Variants in GREP1 observed in about 807,000 individuals in gnomAD.
The protein encoded by GREP1 is glycine-rich extracellular protein 1.
rs376121869 is a variant in GREP1 at position 2,997,400 on chromosome 16, C to A, written c.898C>A (p.Gln300Lys). 2.5e-4 allele frequency: 98 copies of A among 398,818 alleles called. No homozygotes were observed. In the East Asian group the frequency reaches 3.5e-3, roughly 14 times the overall value. 24.7% of individuals were successfully genotyped at this position (398,818 alleles called of 1,614,324 possible). A position where few individuals can be genotyped will look rare whatever the true frequency, so the allele number is the denominator to read the frequency against. ...CTCCCTCCCCACAGGCCCCTTAGCC[C>A]AGAATGGCTACAGAGCAGGTACTGG... Residue 300 changes from glutamine to lysine, a missense_variant, in exon 22 of 35, where the codon CAG becomes AAG. By Grantham distance (53) the Gln-to-Lys change is moderately conservative. Coordinates refer to ENST00000573315, the Ensembl canonical transcript of GREP1.
rs1394349531 is a variant in GREP1, at chr16:2,989,978, T to C, written c.135T>C (p.Tyr45=). ...CTCACCTCCCTGTCTCTCCAGGCTA[T>C]GATGGGGGCGTGAAGCCACAGAAGC... is the stretch of plus-strand genomic sequence containing the variant. The change falls in exon 4 of 35, where the codon TAT becomes TAC. Residue 45 remains tyrosine, a synonymous_variant. Coordinates refer to ENST00000573315, the Ensembl canonical transcript of GREP1. The surrounding 1 kb of genome is among the most constrained non-coding windows in gnomAD (Gnocchi z 4.2). 2.5e-6 allele frequency: 1 copy of C among 399,020 alleles called. No individual in the cohort carries two copies. Among genetic ancestry groups the C allele is most frequent in the Non-Finnish European group, 4.4e-6 (1 of 226,296 alleles). 24.7% of individuals were successfully genotyped at this position (399,020 alleles called of 1,614,324 possible).
intron 10 of GREP1, 80 bp from the exon 12 acceptor site, chr16:2,994,618 G>T (rs1267316928): frequency 5.0e-6 from 2 of 398,630 alleles, no homozygotes; most frequent in East Asian, 3.6e-5. Flanking sequence ...TGAAGTTGGG[G>T]GTGGGGACAC....
In GREP1 at chr16:2,992,951, C is replaced by A. The variant is rs1315392536; in HGVS notation, c.373C>A (p.Pro125Thr). 2.5e-6 allele frequency: 1 copy of A among 399,042 alleles called. No individual in the cohort carries two copies. The highest frequency in any genetic ancestry group is 2.1e-5 in the African/African-American group (1 of 48,750). The allele number at this position is 399,042 out of a possible 1,614,324, so 24.7% of individuals were successfully genotyped here. Residue 125 changes from proline to threonine, a missense_variant, in exon 10 of 35, where the codon CCC becomes ACC. Coordinates refer to ENST00000573315, the Ensembl canonical transcript of GREP1. This position sits in a 1 kb window ranked among gnomAD's most constrained non-coding sequence, Gnocchi z 4.9. Reference sequence around the variant, plus strand: ...CCCAGGCTTTGGAGGGGGTGGAAAACCCCAGAAGCCAGGTGAGCCACTCCC... The same window carrying A: ...CCCAGGCTTTGGAGGGGGTGGAAAAACCCAGAAGCCAGGTGAGCCACTCCC...
rs948622714 is a variant in GREP1, at chr16:2,994,745, G to A, written c.415+18G>A. 1 of 396,306 alleles carries A rather than the reference G, an allele frequency of 2.5e-6. No homozygotes were observed. The highest frequency in any genetic ancestry group is 4.4e-6 in the Non-Finnish European group (1 of 224,842). 24.5% of individuals were successfully genotyped at this position (396,306 alleles called of 1,614,324 possible). ...TAGACCAGGTAGGGGCGGGGCTGGG[G>A]TTTGGGGAGGCCCAGAGCTGGGGCC... On this transcript the variant is annotated intron_variant, in intron 11 of 34. Coordinates refer to ENST00000573315, the Ensembl canonical transcript of GREP1.
chr16:2,996,188 T>C (rs895589913), intron 18 of GREP1, among the ~76,000 whole-genome samples: 2 of 152,038 alleles, frequency 1.3e-5, no homozygotes, highest in Non-Finnish European at 2.9e-5. Context: ...CTGCCTTGGC[T>C]TCCCAAAGTG....
At chr16:2,998,959 T>G in exon 26 of GREP1, 1 of 399,114 alleles carries the variant, frequency 2.5e-6, no homozygotes, top group African/African-American at 2.1e-5. Context: ...CCTTCCGCAG[T>G]GCAGAATGGC....
intron 5 of GREP1, 179 bp downstream of exon 5, chr16:2,990,301 T>A (rs1450843357): frequency 2.5e-6 from 1 of 397,986 alleles, no homozygotes; most frequent in Admixed American, 4.4e-5. Flanking sequence ...CCAAACCTCC[T>A]CAGCTCACCT....
intron 22 of GREP1, 115 bp from the exon 21 acceptor site, chr16:2,997,688 T>A: frequency 2.5e-6 from 1 of 398,332 alleles, no homozygotes; most frequent in East Asian, 3.6e-5. Context: ...CCACTGGTCA[T>A]GGACCAGGAA....
chr16:2,998,407 G>C lies in GREP1; in HGVS notation c.982+19G>C, dbSNP rs985963450. 4 of 399,170 alleles carry C rather than the reference G, an allele frequency of 1.0e-5. No individual in the cohort carries two copies. The highest frequency in any genetic ancestry group is 1.8e-5 in the Non-Finnish European group (4 of 226,304). The allele number at this position is 399,170 out of a possible 1,614,324, so 24.7% of individuals were successfully genotyped here. ...AAGTCAGGTGAGTGGGGGACCCCTG[G>C]CTCTGCCCCACACCTCCTTCTGCCT... On this transcript the variant is annotated intron_variant, in intron 24 of 34. Transcript: ENST00000573315.
intron 2 of GREP1, 56 bp downstream of exon 2, chr16:2,988,678 G>A (rs963827748): frequency 5.0e-5 from 20 of 398,842 alleles, no homozygotes; most frequent in African/African-American, 4.1e-4. Context: ...CTCCTGCCCT[G>A]GGGGTGTGGG....
rs1056836377 is a variant in GREP1 at position 3,001,344 on chromosome 16, A to G, written c.1585+10A>G. On this transcript the variant is annotated intron_variant, in intron 34 of 34. Coordinates refer to ENST00000573315, the Ensembl canonical transcript of GREP1. ...GGGAATGGCTACGGAGGTGAGAGGG[A>G]GGCGCAATGGCCGAGCCGCCTGCCC... is the stretch of plus-strand genomic sequence containing the variant. 29 of 399,000 alleles carry G rather than the reference A, an allele frequency of 7.3e-5. No individual in the cohort carries two copies. Among genetic ancestry groups the G allele is most frequent in the Non-Finnish European group, 1.2e-4 (28 of 226,140 alleles). 24.7% of individuals were successfully genotyped at this position (399,000 alleles called of 1,614,324 possible).
rs1053987772 is a variant in GREP1, at chr16:2,989,449, G to A, written c.101-74G>A. 1.8e-5 allele frequency: 7 copies of A among 399,032 alleles called. No homozygotes were observed. The highest frequency in any genetic ancestry group is 2.2e-5 in the Non-Finnish European group (5 of 226,138). The allele number at this position is 399,032 out of a possible 1,614,324, so 24.7% of individuals were successfully genotyped here. A position where few individuals can be genotyped will look rare whatever the true frequency, so the allele number is the denominator to read the frequency against. The stretch of plus-strand genomic sequence containing the variant: ...CAGATCTGGTAAAGCTGGTGGCGGG[G>A]TGCTTGGGGAGGGTGGCACACCGGC... On this transcript the variant is annotated intron_variant, in intron 2 of 34. Transcript: ENST00000573315. The surrounding 1 kb of genome is among the most constrained non-coding windows in gnomAD (Gnocchi z 4.2).
chr16:2,997,331 C>G (rs2072430660), intron 21 of GREP1: 1 of 398,504 alleles, frequency 2.5e-6, no homozygotes, highest in Admixed American at 4.4e-5. Context: ...TCCAAAGGCC[C>G]TTCGCCCTCT....
At position 3,000,556 on chromosome 16, in the gene GREP1, G is replaced by C. The variant is rs528120574; in HGVS notation, c.1360G>C (p.Asp454His). Residue 454 changes from aspartate (D) to histidine (H), a missense_variant and splice_region_variant, in exon 32 of 35, where the codon GAT (aspartate) becomes CAT (histidine). Coordinates refer to ENST00000573315, the Ensembl canonical transcript of GREP1. ...GGAATGACCAGAGTCTCTTGGAGGG[G>C]ATGGGGTGGAAGCTCTGGTGTACCC... 1.5e-5 allele frequency: 6 copies of C among 399,100 alleles called. No individual in the cohort carries two copies. In the Admixed American group the frequency reaches 2.6e-4, roughly 18 times the overall value. 24.7% of individuals were successfully genotyped at this position (399,100 alleles called of 1,614,324 possible). A position where few individuals can be genotyped will look rare whatever the true frequency, so the allele number is the denominator to read the frequency against.
chr16:2,994,943 T>C (rs1415431716), exon 13 of GREP1: 1 of 399,032 alleles, frequency 2.5e-6, no homozygotes. Context: ...AGTACAGAAT[T>C]GGGCTGGGAG....
chr16:2,995,762 C>G (rs2072421451), exon 17 of GREP1: 2 of 398,746 alleles, frequency 5.0e-6, no homozygotes, highest in Non-Finnish European at 8.8e-6. Flanking sequence ...TGTGAAGCCT[C>G]TGAAGCCAGG....
intron 10 of GREP1, chr16:2,993,166 G>A (rs1014489360): frequency 5.3e-6 from 2 of 379,218 alleles, no homozygotes; most frequent in Non-Finnish European, 9.3e-6. Context: ...GGTCTTAGGG[G>A]TTGGGGGTTA....
chr16:3,001,226 G>A (rs1405944424), intron 33 of GREP1, 55 bp from the exon 28 acceptor site: 2 of 399,084 alleles, frequency 5.0e-6, no homozygotes, highest in Non-Finnish European at 4.4e-6. Context: ...AAGCTGGGGT[G>A]GACGGAAGCT....
intron 18 of GREP1, 106 bp from the exon 18 acceptor site, chr16:2,996,390 G>C: frequency 2.5e-6 from 1 of 398,184 alleles, no homozygotes; most frequent in Non-Finnish European, 4.4e-6. Flanking sequence ...GGGGGAGCCA[G>C]GCCCCCTCCC....
Sources: allele counts gnomAD v4.1 joint callset (sites outside exome capture counted in the v4.1 genomes callset), GRCh38; gene constraint gnomAD v4.1.1; non-coding constraint Gnocchi (gnomAD v3.1); transcripts MANE v1.5; gene names NCBI Gene and HGNC (gene_info 2026-07-23, HGNC 2026-07-21).